HSPB8: variants seen among roughly 807,000 people sequenced by gnomAD.
HSPB8 encodes heat shock protein family B (small) member 8, also known as heat shock protein beta-8.
A neutral mutation model predicts 16.5 loss-of-function variants in HSPB8; 9 were observed. That is an observed-to-expected ratio of 0.55 (90% CI 0.33 to 0.95). The LOEUF (loss-of-function observed/expected upper bound fraction) is 0.95, where lower values mean the gene tolerates loss of function less well. HSPB8 is among the 40% of genes least tolerant of loss of function. The pLI is 0.03. For missense variants in HSPB8, 238 were observed against 251.2 expected (o/e 0.95, Z 0.35); for synonymous variants, 99 against 94.8 (o/e 1.04, Z -0.26).
intron 2 of HSPB8, among the ~76,000 whole-genome samples, chr12:119,189,302 G>GGTGT (rs60310566): frequency 0.28 from 40,337 of 143,138 alleles, 5,776 homozygotes; most frequent in Middle Eastern, 0.36. Flanking sequence ...TCTTAAAAGG[G>GGTGT]GTGTGTGTGT....
intron 1 of HSPB8, among the ~76,000 whole-genome samples, chr12:119,185,614 A>G (rs1954671088): frequency 1.3e-5 from 2 of 151,704 alleles, no homozygotes; most frequent in African/African-American, 4.9e-5. Flanking sequence ...TTACAGGCAT[A>G]AGTCACCACG....
In HSPB8 at chr12:119,194,238, C is replaced by G. The variant is rs1954730753; in HGVS notation, c.*380C>G. On this transcript the variant is annotated 3_prime_UTR_variant, in exon 3 of 3. Coordinates refer to ENST00000281938, the MANE Select transcript of HSPB8 (RefSeq NM_014365.3). ...ACCTCCCCCATCACCCAGGTTCCTA[C>G]TCTGGGCTCCCGATTCCCATGGCTC... 1 of 309,712 alleles carries G rather than the reference C, an allele frequency of 3.2e-6. No individual in the cohort carries two copies. The highest frequency in any genetic ancestry group is 4.7e-5 in the Admixed American group (1 of 21,168). The allele number at this position is 309,712 out of a possible 1,614,324, so 19.2% of individuals were successfully genotyped here. A position where few individuals can be genotyped will look rare whatever the true frequency, so the allele number is the denominator to read the frequency against.
chr12:119,179,527 GC>G lies in HSPB8; in HGVS notation c.219del (p.Thr74LeufsTer27). 1 of 1,613,800 alleles carries G rather than the reference GC, an allele frequency of 6.2e-7. No individual in the cohort carries two copies. Among genetic ancestry groups the G allele is most frequent in the Non-Finnish European group, 8.5e-7 (1 of 1,179,920 alleles). ...GTLRSGMVPR[G>X]PTATARFGVP... The stretch of plus-strand genomic sequence containing the variant: ...CTAAGGTCGGGCATGGTGCCCCGGG[GC>G]CCCACTGCCACCGCCAGGTTTGGGG... On this transcript the variant is annotated frameshift_variant, in exon 1 of 3. Coordinates refer to ENST00000281938, the MANE Select transcript of HSPB8 (RefSeq NM_014365.3). LOFTEE classifies it high-confidence loss of function.
In HSPB8 at chr12:119,179,579, A is replaced by C. The variant is rs940540736; in HGVS notation, c.267A>C (p.Pro89=). 1 of 1,611,716 alleles carries C rather than the reference A, an allele frequency of 6.2e-7. No homozygotes were observed. ...TGCCTGCCGAGGGCAGGACCCCCCC[A>C]CCCTTCCCTGGGGAGCCCTGGAAAG... ...FGVPAEGRTP[P]PFPGEPWKVC... Residue 89 remains proline, a synonymous_variant, in exon 1 of 3, where the codon CCA becomes CCC. Transcript: ENST00000281938.
chr12:119,186,712 C>T (rs954392834), intron 1 of HSPB8: 2 of 258,592 alleles, frequency 7.7e-6, no homozygotes, highest in Admixed American at 1.2e-4. Context: ...TTTGGTACAA[C>T]ACATGGAAGA....
chr12:119,181,937 A>G (rs1358814753), intron 1 of HSPB8: 1 of 152,236 alleles, frequency 6.6e-6, no homozygotes, highest in Non-Finnish European at 1.5e-5. Context: ...CAGACCGATT[A>G]TCACCATTCC....
intron 1 of HSPB8, among the ~76,000 whole-genome samples, chr12:119,180,255 A>G (rs1954628411): frequency 6.6e-6 from 1 of 152,200 alleles, no homozygotes; most frequent in South Asian, 2.1e-4. Flanking sequence ...AGCTAATACC[A>G]CAACCAGAGG....
In HSPB8 at chr12:119,194,372, G is replaced by A. The variant is rs144367132; in HGVS notation, c.*514G>A. The A allele has an allele frequency of 9.4e-5, 19 of 203,008 alleles. 1 individual carries two copies. Among genetic ancestry groups the A allele is most frequent in the African/African-American group, 4.0e-4 (17 of 42,834 alleles). 12.6% of individuals were successfully genotyped at this position (203,008 alleles called of 1,614,324 possible). A position where few individuals can be genotyped will look rare whatever the true frequency, so the allele number is the denominator to read the frequency against. ...TATACAGGTCTTATATCCCCATATG[G>A]AATTTATCCATCAACCACATAAAAA... On this transcript the variant is annotated 3_prime_UTR_variant, in exon 3 of 3. Coordinates refer to ENST00000281938, the MANE Select transcript of HSPB8 (RefSeq NM_014365.3).
At position 119,179,204 on chromosome 12, in the gene HSPB8, T is replaced by G; in HGVS notation, c.-109T>G. The G allele has an allele frequency of 8.5e-7, 1 of 1,172,096 alleles. No individual in the cohort carries two copies. Among genetic ancestry groups the G allele is most frequent in the South Asian group, 1.2e-5 (1 of 80,506 alleles). 72.6% of individuals were successfully genotyped at this position (1,172,096 alleles called of 1,614,324 possible). ...TTCTCCCTGCAGAAAAGCAGCATTT[T>G]CGGAAGCTGAAGAATAAGCTAGCCC... is the stretch of plus-strand genomic sequence containing the variant. On this transcript the variant is annotated 5_prime_UTR_variant, in exon 1 of 3. Transcript: ENST00000281938.
chr12:119,192,839 A>G (rs546830251), intron 2 of HSPB8, among the ~76,000 whole-genome samples: 1 of 152,166 alleles, frequency 6.6e-6, no homozygotes, highest in Non-Finnish European at 1.5e-5. Flanking sequence ...AAAAGGTGAA[A>G]GGCACGTCTT....
chr12:119,182,567 G>GGT (rs1954645854), intron 1 of HSPB8, among the ~76,000 whole-genome samples: 1 of 152,182 alleles, frequency 6.6e-6, no homozygotes, highest in Non-Finnish European at 1.5e-5. Flanking sequence ...GAACCTGGGA[G>GGT]GTGGAGGTTG....
chr12:119,191,038 C>T (rs184482725), intron 2 of HSPB8, among the ~76,000 whole-genome samples: 1 of 152,296 alleles, frequency 6.6e-6, no homozygotes, highest in Non-Finnish European at 1.5e-5. Flanking sequence ...TTGTCATGGA[C>T]AATCAGGAAG....
In HSPB8 at chr12:119,189,761, T is replaced by C. The variant is rs553018325; in HGVS notation, c.431+2673T>C. 1.6e-4 allele frequency among the ~76,000 whole-genome samples: 25 copies of C among 152,224 alleles called. No homozygotes were observed. In the South Asian group the frequency reaches 4.8e-3, roughly 29 times the overall value. ...GCCACAGATGGGTGCCGGTCCATGA[T>C]CCGGGGGATGGGGACCCCTGAATAT... On this transcript the variant is annotated intron_variant, in intron 2 of 2. Coordinates refer to ENST00000281938, the MANE Select transcript of HSPB8 (RefSeq NM_014365.3).
At chr12:119,181,508 G>T (rs1430141322) in intron 1 of HSPB8, among the ~76,000 whole-genome samples, 1 of 152,154 alleles carries the variant, frequency 6.6e-6, no homozygotes, top group Non-Finnish European at 1.5e-5. Context: ...TGGGGGGTAG[G>T]TTGGCCCTAA....
chr12:119,179,929 G>A (rs998419502), intron 1 of HSPB8, among the ~76,000 whole-genome samples: 1 of 152,148 alleles, frequency 6.6e-6, no homozygotes, highest in African/African-American at 2.4e-5. Flanking sequence ...GTACAGACAG[G>A]AAAATAGAAA....
chr12:119,193,261 TATG>T (rs1044353442), intron 2 of HSPB8, among the ~76,000 whole-genome samples: 2 of 152,218 alleles, frequency 1.3e-5, no homozygotes, highest in African/African-American at 4.8e-5. Flanking sequence ...TGTTGCCTGT[TATG>T]ATAACACCTT....
intron 1 of HSPB8, among the ~76,000 whole-genome samples, chr12:119,181,499 G>A (rs193283933): frequency 6.6e-6 from 1 of 152,294 alleles, no homozygotes; most frequent in East Asian, 1.9e-4. Flanking sequence ...TGAATAGAAT[G>A]GGGGGTAGGT....
Position 119,179,462 on chromosome 12 carries a change from C to G in HSPB8, c.150C>G (p.Asp50Glu). The stretch of plus-strand genomic sequence containing the variant: ...ACGACTTGACAGCCTCTTGGCCCGA[C>G]TGGGCTCTGCCTCGTCTCTCCTCCG... ...FPDDLTASWP[D>E]WALPRLSSAW... The change falls in exon 1 of 3, where the codon GAC becomes GAG. Residue 50 changes from aspartate to glutamate, a missense_variant. Asp to Glu is a conservative substitution (Grantham distance 45, BLOSUM62 2). Transcript: ENST00000281938. 1 of 1,614,112 alleles carries G rather than the reference C, an allele frequency of 6.2e-7. No individual in the cohort carries two copies. Among genetic ancestry groups the G allele is most frequent in the Non-Finnish European group, 8.5e-7 (1 of 1,180,022 alleles).
In HSPB8 at chr12:119,179,663, A is replaced by G; in HGVS notation, c.351A>G (p.Gly117=). The G allele has an allele frequency of 6.3e-7, 1 of 1,583,936 alleles. No individual in the cohort carries two copies. Among genetic ancestry groups the G allele is most frequent in the Non-Finnish European group, 8.6e-7 (1 of 1,166,340 alleles). ...PEELMVKTKD[G]YVEVSGKHEE... is the part of the protein sequence containing the mutation. The stretch of plus-strand genomic sequence containing the variant: ...AGTTGATGGTGAAGACCAAAGATGG[A>G]TACGTGGAGGTGTCTGGTAAGTCAG... The change falls in exon 1 of 3, where the codon GGA becomes GGG. Residue 117 remains glycine, a synonymous_variant. Coordinates refer to ENST00000281938, the MANE Select transcript of HSPB8 (RefSeq NM_014365.3).
Sources: allele counts gnomAD v4.1 joint callset (sites outside exome capture counted in the v4.1 genomes callset), GRCh38; gene constraint gnomAD v4.1.1; transcripts MANE v1.5; gene names NCBI Gene and HGNC (gene_info 2026-07-23, HGNC 2026-07-21).